Variants in CFAP77 observed in about 807,000 individuals in gnomAD.
CFAP77 encodes cilia- and flagella-associated protein 77.
In CFAP77, 25 loss-of-function variants were observed where a neutral mutation model predicts 31.1. That is an observed-to-expected ratio of 0.80 (90% CI 0.59 to 1.12). The LOEUF (loss-of-function observed/expected upper bound fraction) is 1.12, where lower values mean the gene tolerates loss of function less well. CFAP77 is among the 50% of genes most tolerant of loss of function. CFAP77 has a pLI of 0.00. For synonymous variants in CFAP77, 151 were observed against 159.9 expected, an observed-to-expected ratio of 0.94 and a Z score of 0.42; for missense variants, 377 against 397.3, an observed-to-expected ratio of 0.95 and a Z score of 0.44.
chr9:132,461,160 G>A (rs1035799345), intron 1 of CFAP77, among the ~76,000 whole-genome samples: 1 of 152,232 alleles, frequency 6.6e-6, no homozygotes, highest in Non-Finnish European at 1.5e-5. Context: ...ATGAAGGTTG[G>A]CTTTTAAGAA....
chr9:132,410,512 G>T, intron 1 of CFAP77, 46 bp downstream of exon 1: 2 of 1,478,974 alleles, frequency 1.4e-6, no homozygotes, highest in Non-Finnish European at 1.8e-6. Flanking sequence ...CCGGCTCCGG[G>T]CACCTGCGCC....
chr9:132,431,355 C>T (rs1356561508), intron 1 of CFAP77, among the ~76,000 whole-genome samples: 1 of 152,158 alleles, frequency 6.6e-6, no homozygotes, highest in African/African-American at 2.4e-5. Context: ...CCAAGGCACA[C>T]CTCAGAAGTA....
At chr9:132,420,228 G>C (rs975342557) in intron 1 of CFAP77, among the ~76,000 whole-genome samples, 1 of 151,902 alleles carries the variant, frequency 6.6e-6, no homozygotes, top group Admixed American at 6.6e-5. Context: ...CGTTGAGGCA[G>C]GAGCAGTATT....
chr9:132,531,365 G>A (rs1328819053), intron 3 of CFAP77, among the ~76,000 whole-genome samples: 1 of 152,186 alleles, frequency 6.6e-6, no homozygotes, highest in African/African-American at 2.4e-5. Context: ...CAATGAATGA[G>A]CGCCCCCCGC....
rs537181016 is a variant in CFAP77, at chr9:132,511,764, C to T, written c.524+12164C>T. ...CCACACGTTCAATGGCTTAAAATAA[C>T]AAAAATGAAGCGGCCGCGCGGCGGC... is the stretch of plus-strand genomic sequence containing the variant. On this transcript the variant is annotated intron_variant, in intron 3 of 5. Transcript: ENST00000393216. The surrounding 1 kb of genome is among the most constrained non-coding windows in gnomAD (Gnocchi z 5.8). Among the ~76,000 whole-genome samples, 1 of 152,104 alleles carries T rather than the reference C, an allele frequency of 6.6e-6. No homozygotes were observed. The highest frequency in any genetic ancestry group is 6.5e-5 in the Admixed American group (1 of 15,274).
intron 1 of CFAP77, among the ~76,000 whole-genome samples, chr9:132,438,541 A>ATATATATATATATATATATATATATATTT: frequency 1.7e-4 from 18 of 108,096 alleles, no homozygotes; most frequent in Non-Finnish European, 2.2e-4. Flanking sequence ...ATATATATAT[A>ATATATATATATATATATATATATATATTT]TTTTTTTTTT....
rs1355132541 is a variant in CFAP77, at chr9:132,440,010, G to A, written c.195+29544G>A. ...CATCATCATCAACATCAGCATAATG[G>A]CATCATCATCATTATCAACATTATA... On this transcript the variant is annotated intron_variant, in intron 1 of 5. Coordinates refer to ENST00000393216, the MANE Select transcript of CFAP77 (RefSeq NM_001282957.2). 2.0e-5 allele frequency among the ~76,000 whole-genome samples: 3 copies of A among 152,038 alleles called. No individual in the cohort carries two copies. The East Asian group carries it at 5.8e-4, about 29-fold the overall frequency.
chr9:132,537,298 T>C (rs1471305040), intron 3 of CFAP77, among the ~76,000 whole-genome samples: 1 of 152,064 alleles, frequency 6.6e-6, no homozygotes, highest in Non-Finnish European at 1.5e-5. Flanking sequence ...TGGCTACAAC[T>C]GGCTTCAGCA....
rs1023562704 is a variant in CFAP77, at chr9:132,490,565, G to A, written c.196-8130G>A. Among the ~76,000 whole-genome samples the A allele has an allele frequency of 6.6e-5, 10 of 152,160 alleles. No individual in the cohort carries two copies. The highest frequency in any genetic ancestry group is 2.4e-4 in the African/African-American group (10 of 41,440). On this transcript the variant is annotated intron_variant, in intron 1 of 5. Coordinates refer to ENST00000393216, the MANE Select transcript of CFAP77 (RefSeq NM_001282957.2). This position sits in a 1 kb window ranked among gnomAD's most constrained non-coding sequence, Gnocchi z 4.6. ...GGCCCCACTGGACAAGCTGGGGAGG[G>A]AGGCCAAGGGTCAGCGCTGGGCACT...
At chr9:132,437,039 G>A (rs1284539450) in intron 1 of CFAP77, among the ~76,000 whole-genome samples, 4 of 152,138 alleles carry the variant, frequency 2.6e-5, no homozygotes, top group African/African-American at 9.7e-5. Flanking sequence ...GGGGAGACAG[G>A]AACAGGAGGG....
At chr9:132,536,075 C>G (rs1852536902) in intron 3 of CFAP77, among the ~76,000 whole-genome samples, 1 of 151,988 alleles carries the variant, frequency 6.6e-6, no homozygotes, top group Non-Finnish European at 1.5e-5. Context: ...ATATGATATA[C>G]ATCATAAATT....
rs2131683547 is a variant in CFAP77, at chr9:132,424,637, TGAG to T, written c.195+14174_195+14176del. Among the ~76,000 whole-genome samples the T allele has an allele frequency of 6.6e-6, 1 of 152,260 alleles. No homozygotes were observed. The highest frequency in any genetic ancestry group is 1.9e-4 in the East Asian group (1 of 5,178). ...CTGGGAAAGGGATGCTGGGATCAGG[TGAG>T]GACCGCTCAAGGAGCCTTCACTTTG... On this transcript the variant is annotated intron_variant, in intron 1 of 5. Transcript: ENST00000393216. The surrounding 1 kb of genome is among the most constrained non-coding windows in gnomAD (Gnocchi z 4.1).
chr9:132,440,014 CATCATCATT>C (rs2131701454), intron 1 of CFAP77, among the ~76,000 whole-genome samples: 1 of 152,132 alleles, frequency 6.6e-6, no homozygotes, highest in African/African-American at 2.4e-5. Flanking sequence ...ATAATGGCAT[CATCATCATT>C]ATCAACATTA....
chr9:132,482,068 G>A (rs952449430), intron 1 of CFAP77, among the ~76,000 whole-genome samples: 5 of 150,880 alleles, frequency 3.3e-5, no homozygotes, highest in Non-Finnish European at 7.4e-5. Flanking sequence ...TAACCAAACA[G>A]AATGATCCCT....
At chr9:132,416,780 G>A (rs999407776) in intron 1 of CFAP77, among the ~76,000 whole-genome samples, 1 of 151,744 alleles carries the variant, frequency 6.6e-6, no homozygotes, top group Non-Finnish European at 1.5e-5. Flanking sequence ...TGGAATTACA[G>A]GCGTACACCA....
rs760337208 is a variant in CFAP77 at position 132,480,148 on chromosome 9, C to T, written c.196-18547C>T. Among the ~76,000 whole-genome samples the T allele has an allele frequency of 6.6e-6, 1 of 152,116 alleles. No individual in the cohort carries two copies. The highest frequency in any genetic ancestry group is 1.5e-5 in the Non-Finnish European group (1 of 68,000). On this transcript the variant is annotated intron_variant, in intron 1 of 5. Transcript: ENST00000393216. The surrounding 1 kb of genome is among the most constrained non-coding windows in gnomAD (Gnocchi z 5.8). ...CAGAGAAGAGGAGAGGGGGCCTCCT[C>T]GGCTGCTCTCCTGGACCGCCCTCCC...
intron 1 of CFAP77, among the ~76,000 whole-genome samples, chr9:132,479,532 G>A (rs1049570046): frequency 2.0e-5 from 3 of 152,200 alleles, no homozygotes; most frequent in African/African-American, 7.2e-5. Context: ...CATCCAACCT[G>A]CTGCAGCGCA....
chr9:132,439,171 C>T (rs534047482), intron 1 of CFAP77, among the ~76,000 whole-genome samples: 2 of 152,182 alleles, frequency 1.3e-5, no homozygotes, highest in African/African-American at 2.4e-5. Context: ...CCACCATGCC[C>T]GGCAGTCAAT....
At chr9:132,546,428 C>T (rs1306400339) in intron 5 of CFAP77, among the ~76,000 whole-genome samples, 1 of 152,174 alleles carries the variant, frequency 6.6e-6, no homozygotes, top group Non-Finnish European at 1.5e-5. Flanking sequence ...AAAGTTGAGC[C>T]TGTCACGGTG....
Sources: allele counts gnomAD v4.1 joint callset (sites outside exome capture counted in the v4.1 genomes callset), GRCh38; gene constraint gnomAD v4.1.1; non-coding constraint Gnocchi (gnomAD v3.1); transcripts MANE v1.5; gene names NCBI Gene and HGNC (gene_info 2026-07-23, HGNC 2026-07-21).